PCDHGA5: variants seen among roughly 807,000 people sequenced by gnomAD.
PCDHGA5 encodes the protein protocadherin gamma subfamily A, 5.
Under a neutral mutation model 56.7 loss-of-function variants are expected in PCDHGA5, and 36 were observed. The ratio of observed to expected loss-of-function variants is 0.64; its 90% CI spans 0.49 to 0.84. The LOEUF (loss-of-function observed/expected upper bound fraction) is 0.84. Ranked by LOEUF, PCDHGA5 falls within the 40% of genes least tolerant of loss-of-function variation. PCDHGA5 has a pLI of 0.00. For synonymous variants in PCDHGA5, 563 were observed against 520.2 expected, an observed-to-expected ratio of 1.08 and a Z score of -1.12; for missense variants, 1,305 against 1,201.5, an observed-to-expected ratio of 1.09 and a Z score of -1.27.
Position 141,394,580 on chromosome 5 carries a change from C to T in PCDHGA5, c.2421+27829C>T, listed in dbSNP as rs779590383. ...CCGCAGAGCGTGGCTACCTGGTGAC[C>T]AAGGTGGTGGCGGTGGACAGAGACT... On this transcript the variant is annotated intron_variant, in intron 1 of 3. Transcript: ENST00000518069. The T allele has an allele frequency of 1.5e-5, 24 of 1,613,914 alleles. No individual in the cohort carries two copies. The South Asian group carries it at 2.6e-4, about 18-fold the overall frequency.
At position 141,408,464 on chromosome 5, in the gene PCDHGA5, A is replaced by G. The variant is rs764186219; in HGVS notation, c.2421+41713A>G. ...GGAGAGCGGGGACTTACTTGTGAAG[A>G]ACCGAATAGACCGTGAGCAAATATG... On this transcript the variant is annotated intron_variant, in intron 1 of 3. Coordinates refer to ENST00000518069, the MANE Select transcript of PCDHGA5 (RefSeq NM_018918.3). The G allele has an allele frequency of 3.8e-5, 61 of 1,613,880 alleles. No homozygotes were observed. Among genetic ancestry groups the G allele is most frequent in the South Asian group, 1.4e-4 (13 of 91,024 alleles).
intron 1 of PCDHGA5, chr5:141,408,653 C>T (rs1589679123): frequency 6.2e-7 from 1 of 1,613,982 alleles, no homozygotes; most frequent in African/African-American, 1.3e-5. Context: ...CGCTGGTACA[C>T]GACTATCGCT....
intron 1 of PCDHGA5, chr5:141,387,968 G>C (rs1169859236): frequency 6.7e-7 from 1 of 1,489,402 alleles, no homozygotes; most frequent in Non-Finnish European, 9.0e-7. Context: ...TCTGCCCGGC[G>C]CTCTGTGAGC....
intron 1 of PCDHGA5, chr5:141,407,888 C>T (rs769893466): frequency 2.6e-6 from 1 of 388,626 alleles, no homozygotes; most frequent in Non-Finnish European, 4.6e-6. Flanking sequence ...TTTCGGAGAC[C>T]GAATTCAAAA....
chr5:141,420,669 G>A (rs1018355067), intron 1 of PCDHGA5, among the ~76,000 whole-genome samples: 2 of 152,202 alleles, frequency 1.3e-5, no homozygotes, highest in South Asian at 2.1e-4. Context: ...CATCCTACCT[G>A]ATGATTTTAT....
At chr5:141,430,946 G>A (rs2097328634) in intron 1 of PCDHGA5, 1 of 1,609,494 alleles carries the variant, frequency 6.2e-7, no homozygotes, top group Non-Finnish European at 8.5e-7. Flanking sequence ...CGCGGAGCGC[G>A]GAGTCCGCAT....
chr5:141,419,540 C>A (rs999461892), intron 1 of PCDHGA5: 4 of 1,612,018 alleles, frequency 2.5e-6, no homozygotes. Flanking sequence ...CAACGCACCG[C>A]GGGTGCTGTA....
chr5:141,417,965 T>C lies in PCDHGA5; in HGVS notation c.2421+51214T>C. On this transcript the variant is annotated intron_variant, in intron 1 of 3. Coordinates refer to ENST00000518069, the MANE Select transcript of PCDHGA5 (RefSeq NM_018918.3). ...CACGCTGTGTGAGCCGATCCGCTAC[T>C]CGATTCCGGAGGAGCTGGCCAAGGG... 3 of 1,613,654 alleles carry C rather than the reference T, an allele frequency of 1.9e-6. No homozygotes were observed. In the South Asian group the frequency reaches 3.3e-5, roughly 18 times the overall value.
chr5:141,384,160 A>G, intron 1 of PCDHGA5: 1 of 1,613,640 alleles, frequency 6.2e-7, no homozygotes, highest in African/African-American at 1.3e-5. Flanking sequence ...GTATAACATC[A>G]CACTGAAAGC....
intron 1 of PCDHGA5, among the ~76,000 whole-genome samples, chr5:141,453,850 CT>C (rs1465668273): frequency 1.3e-5 from 2 of 152,148 alleles, no homozygotes; most frequent in Non-Finnish European, 2.9e-5. Context: ...CCACAGAGCA[CT>C]TTGAAAATAA....
chr5:141,400,220 T>C, intron 1 of PCDHGA5: 1 of 1,614,006 alleles, frequency 6.2e-7, no homozygotes. Context: ...ATCTCAGTGC[T>C]CTTCCTCCTG....
intron 1 of PCDHGA5, chr5:141,393,184 T>C: frequency 6.2e-7 from 1 of 1,613,344 alleles, no homozygotes; most frequent in Non-Finnish European, 8.5e-7. Context: ...ATAGAAATAA[T>C]TGATATTAAC....
Position 141,389,991 on chromosome 5 carries a change from G to C in PCDHGA5, c.2421+23240G>C, listed in dbSNP as rs561094692. The C allele has an allele frequency of 4.3e-6, 7 of 1,613,898 alleles. No homozygotes were observed. The Admixed American group carries it at 5.0e-5, about 12-fold the overall frequency. ...GGCCTTGATCTCAGTGCTCTTCCTC[G>C]TGGCCATGATTCTGGCCATTGCCTT... On this transcript the variant is annotated intron_variant, in intron 1 of 3. Transcript: ENST00000518069.
At chr5:141,384,518 C>T (rs1479729851) in intron 1 of PCDHGA5, 7 of 1,614,192 alleles carry the variant, frequency 4.3e-6, no homozygotes, top group East Asian at 4.5e-5. Flanking sequence ...AGCGGGGACC[C>T]GCCTCTCAGC....
At chr5:141,497,212 G>C (rs968445663) in intron 2 of PCDHGA5, among the ~76,000 whole-genome samples, 2 of 151,018 alleles carry the variant, frequency 1.3e-5, no homozygotes, top group East Asian at 3.9e-4. Context: ...AGTGTAATGG[G>C]GGGGGGAAGA....
intron 1 of PCDHGA5, among the ~76,000 whole-genome samples, chr5:141,484,645 T>C (rs948669787): frequency 1.3e-5 from 2 of 151,970 alleles, no homozygotes; most frequent in Admixed American, 6.6e-5. Context: ...CACTCTCCAA[T>C]GGCTACTCTC....
intron 1 of PCDHGA5, chr5:141,412,884 G>A: frequency 3.2e-6 from 1 of 311,540 alleles, no homozygotes. Flanking sequence ...TAATCCAACA[G>A]AATAGTTTAC....
chr5:141,425,394 G>T (rs186813737), intron 1 of PCDHGA5, among the ~76,000 whole-genome samples: 10 of 152,302 alleles, frequency 6.6e-5, no homozygotes, highest in African/African-American at 2.4e-4. Context: ...TAGTGATAAA[G>T]TTCTGTTAAG....
rs1561863226 is a variant in PCDHGA5, at chr5:141,432,653, C to T, written c.2422-62154C>T. On this transcript the variant is annotated intron_variant, in intron 1 of 3. Transcript: ENST00000518069. The surrounding 1 kb of genome is among the most constrained non-coding windows in gnomAD (Gnocchi z 6.0). Reference sequence around the variant, plus strand: ...GGGCGAGGTGCGCACGGCGCGAGCCCTGCTGGACAGAGACGCGCTCAAGCA... The same window carrying T: ...GGGCGAGGTGCGCACGGCGCGAGCCTTGCTGGACAGAGACGCGCTCAAGCA... 5 of 1,613,852 alleles carry T rather than the reference C, an allele frequency of 3.1e-6. No individual in the cohort carries two copies. In the South Asian group the frequency reaches 4.4e-5, roughly 14 times the overall value.
Sources: allele counts gnomAD v4.1 joint callset (sites outside exome capture counted in the v4.1 genomes callset), GRCh38; gene constraint gnomAD v4.1.1; non-coding constraint Gnocchi (gnomAD v3.1); transcripts MANE v1.5; gene names NCBI Gene and HGNC (gene_info 2026-07-23, HGNC 2026-07-21).